The following ERBB4 variants were observed in gnomAD, a reference collection of about 807,000 sequenced individuals.
ERBB4 encodes receptor tyrosine-protein kinase erbB-4.
In ERBB4, 42 loss-of-function variants were observed where a neutral mutation model predicts 158.0. That is an observed-to-expected ratio of 0.27 (90% CI 0.21 to 0.34). The LOEUF is 0.34. Ranked by LOEUF, ERBB4 falls within the 10% of genes least tolerant of loss-of-function variation. The pLI is 1.00. For missense variants in ERBB4, 1,333 were observed against 1,624.1 expected (o/e 0.82, Z 3.08); for synonymous variants, 583 against 558.7 (o/e 1.04, Z -0.61).
intron 4 of ERBB4, among the ~76,000 whole-genome samples, chr2:211,770,116 C>T (rs1339119693): frequency 6.6e-6 from 1 of 152,182 alleles, no homozygotes; most frequent in Admixed American, 6.5e-5. Context: ...TTTGCAAATT[C>T]TCATATAGCA....
intron 2 of ERBB4, among the ~76,000 whole-genome samples, chr2:212,067,743 C>T (rs1443649554): frequency 4.6e-5 from 7 of 151,966 alleles, no homozygotes; most frequent in African/African-American, 1.4e-4. Context: ...AATGAGACAT[C>T]CCTCCTCTTA....
At chr2:212,083,678 G>A (rs1213836908) in intron 2 of ERBB4, among the ~76,000 whole-genome samples, 1 of 151,542 alleles carries the variant, frequency 6.6e-6, no homozygotes, top group African/African-American at 2.4e-5. Context: ...TGGCAAAATA[G>A]GTTGACAACA....
chr2:212,500,077 C>T lies in ERBB4; in HGVS notation c.82+38372G>A, dbSNP rs928233113. ...GGAATTTATTTTTTTCTCATAGAAACGATAAAGTGTAGTTCACAAATAAAT... is the reference window on the plus strand; with the variant it reads ...GGAATTTATTTTTTTCTCATAGAAATGATAAAGTGTAGTTCACAAATAAAT... On this transcript the variant is annotated intron_variant, in intron 1 of 27. Transcript: ENST00000342788. 2.6e-5 allele frequency among the ~76,000 whole-genome samples: 4 copies of T among 152,034 alleles called. No individual in the cohort carries two copies. The East Asian group carries it at 5.8e-4, about 22-fold the overall frequency.
intron 2 of ERBB4, among the ~76,000 whole-genome samples, chr2:212,112,320 G>A (rs2079435218): frequency 6.6e-6 from 1 of 152,016 alleles, no homozygotes; most frequent in Non-Finnish European, 1.5e-5. Context: ...CAAGTTCTCG[G>A]TACAGTTTTC....
intron 9 of ERBB4, among the ~76,000 whole-genome samples, chr2:211,709,288 T>TAC (rs2073595841): frequency 1.4e-5 from 2 of 143,766 alleles, no homozygotes; most frequent in African/African-American, 5.4e-5. Context: ...TACATATATA[T>TAC]ATACATATAT....
At chr2:212,245,607 A>G (rs963558869) in intron 1 of ERBB4, among the ~76,000 whole-genome samples, 3 of 150,862 alleles carry the variant, frequency 2.0e-5, no homozygotes, top group Admixed American at 6.6e-5. Flanking sequence ...GTGAAATTAT[A>G]TCACAGAATC....
rs567861840 is a variant in ERBB4, at chr2:211,868,388, TA to T, written c.421+79041del. 1.1e-4 allele frequency among the ~76,000 whole-genome samples: 16 copies of T among 152,346 alleles called. No homozygotes were observed. The South Asian group carries it at 3.3e-3, about 32-fold the overall frequency. On this transcript the variant is annotated intron_variant, in intron 3 of 27. Coordinates refer to ENST00000342788, the MANE Select transcript of ERBB4 (RefSeq NM_005235.3). ...TGAAATGAAATCATTCTTGTTCCCATAAGTTGCTATTGCCAAACATGGTTTT... is the reference window on the plus strand; with the variant it reads ...TGAAATGAAATCATTCTTGTTCCCATAGTTGCTATTGCCAAACATGGTTTT...
At chr2:211,393,170 A>G (rs1412366816) in intron 25 of ERBB4, among the ~76,000 whole-genome samples, 1 of 152,150 alleles carries the variant, frequency 6.6e-6, no homozygotes, top group Non-Finnish European at 1.5e-5. Context: ...CTCAAAGTCT[A>G]CTTTTATTGT....
At chr2:212,379,520 G>A (rs1001968636) in intron 1 of ERBB4, among the ~76,000 whole-genome samples, 1 of 151,548 alleles carries the variant, frequency 6.6e-6, no homozygotes, top group Admixed American at 6.6e-5. Context: ...TGTCTAATCA[G>A]GAATGATCAC....
intron 3 of ERBB4, among the ~76,000 whole-genome samples, chr2:211,851,421 A>G (rs1017994149): frequency 6.6e-6 from 1 of 151,968 alleles, no homozygotes; most frequent in Non-Finnish European, 1.5e-5. Flanking sequence ...ACTAGGTCAA[A>G]ATATCAGAAG....
intron 3 of ERBB4, among the ~76,000 whole-genome samples, chr2:211,793,705 T>C (rs1205566213): frequency 3.9e-5 from 6 of 151,936 alleles, no homozygotes; most frequent in Non-Finnish European, 7.4e-5. Context: ...TGGAATGGAC[T>C]TGGTCCAGAG....
chr2:211,692,590 A>AC (rs1168296180), intron 12 of ERBB4, among the ~76,000 whole-genome samples: 2 of 151,898 alleles, frequency 1.3e-5, no homozygotes, highest in East Asian at 3.9e-4. Context: ...GCTTTTAAAG[A>AC]CCCCTTTGGC....
At chr2:212,176,987 T>A (rs2081684405) in intron 1 of ERBB4, among the ~76,000 whole-genome samples, 1 of 151,876 alleles carries the variant, frequency 6.6e-6, no homozygotes, top group Non-Finnish European at 1.5e-5. Flanking sequence ...CAAATGAAAT[T>A]AAAGTAGAGA....
chr2:211,528,014 C>A (rs1166044807), intron 20 of ERBB4, among the ~76,000 whole-genome samples: 3 of 151,836 alleles, frequency 2.0e-5, no homozygotes, highest in African/African-American at 7.2e-5. Flanking sequence ...TCCTTACGGA[C>A]AATAACATTG....
chr2:211,386,959 G>C lies in ERBB4; in HGVS notation c.3375C>G (p.Thr1125=), dbSNP rs757329661. The change falls in exon 27 of 28, where the codon ACC becomes ACG. Residue 1125 remains threonine (T), a synonymous_variant. Coordinates refer to ENST00000342788, the MANE Select transcript of ERBB4 (RefSeq NM_005235.3). ...VAPHVQEDSS[T]QRYSADPTVF... The stretch of plus-strand genomic sequence containing the variant: ...CGGTGGGGTCAGCACTGTACCTCTG[G>C]GTGCTACTGTCCTCTTGGACATGGG... 10 of 1,613,870 alleles carry C rather than the reference G, an allele frequency of 6.2e-6. No homozygotes were observed. The Admixed American group carries it at 1.5e-4, about 24-fold the overall frequency.
chr2:211,874,081 C>T (rs967968554), intron 3 of ERBB4, among the ~76,000 whole-genome samples: 7 of 152,086 alleles, frequency 4.6e-5, no homozygotes, highest in Non-Finnish European at 4.4e-5. Flanking sequence ...GAGAGAATCA[C>T]TTGAGGCTGG....
intron 2 of ERBB4, among the ~76,000 whole-genome samples, chr2:211,950,235 T>C (rs1224713698): frequency 6.6e-6 from 1 of 152,152 alleles, no homozygotes; most frequent in Non-Finnish European, 1.5e-5. Flanking sequence ...CCAATGTGCA[T>C]ACATTTAGGA....
In ERBB4 at chr2:212,221,456, G is replaced by A. The variant is rs79447822; in HGVS notation, c.83-96553C>T. ...AGGTATAGGTATCAGTCACCTAATG[G>A]TATGGCAGCAGTCAGGTTTGGGAAT... On this transcript the variant is annotated intron_variant, in intron 1 of 27. Coordinates refer to ENST00000342788, the MANE Select transcript of ERBB4 (RefSeq NM_005235.3). 8.8e-3 allele frequency among the ~76,000 whole-genome samples: 1,337 copies of A among 151,588 alleles called. 22 individuals are homozygous for A. The highest frequency in any genetic ancestry group is 0.031 in the African/African-American group (1,287 of 41,462).
intron 2 of ERBB4, among the ~76,000 whole-genome samples, chr2:211,972,200 G>T (rs1307836655): frequency 1.3e-5 from 2 of 152,018 alleles, no homozygotes; most frequent in African/African-American, 4.8e-5. Flanking sequence ...TGACTAGGTA[G>T]GTGGAAGAGA....
Sources: allele counts gnomAD v4.1 joint callset (sites outside exome capture counted in the v4.1 genomes callset), GRCh38; gene constraint gnomAD v4.1.1; transcripts MANE v1.5; gene names NCBI Gene and HGNC (gene_info 2026-07-23, HGNC 2026-07-21).